SLC30A6: variants seen among roughly 807,000 people sequenced by gnomAD.
The protein encoded by SLC30A6 is zinc transporter 6.
In SLC30A6, 55 loss-of-function variants were observed where a neutral mutation model predicts 63.0. That is an observed-to-expected ratio of 0.87 (90% confidence interval 0.70 to 1.09). The LOEUF is 1.09. Among genes scored for constraint, SLC30A6 ranks in the 50% least tolerant of loss-of-function variants. SLC30A6 has a pLI of 0.00. For missense variants in SLC30A6, 587 were observed against 549.2 expected (o/e 1.07, Z -0.69); for synonymous variants, 224 against 186.1 (o/e 1.20, Z -1.66).
At chr2:32,171,436 G>T in intron 2 of SLC30A6, 63 bp downstream of exon 2, 6 of 1,353,722 alleles carry the variant, frequency 4.4e-6, no homozygotes, top group Non-Finnish European at 1.1e-6. Context: ...ATTGAAGAAA[G>T]ATAATTTTTA....
At chr2:32,175,741 C>G (rs1044563959) in intron 4 of SLC30A6, among the ~76,000 whole-genome samples, 3 of 151,966 alleles carry the variant, frequency 2.0e-5, no homozygotes, top group African/African-American at 7.2e-5. Flanking sequence ...TTTGGGAGGC[C>G]GAGGCGGGTG....
chr2:32,215,208 T>C (rs756085166), intron 13 of SLC30A6, among the ~76,000 whole-genome samples: 16 of 152,176 alleles, frequency 1.1e-4, no homozygotes, highest in Non-Finnish European at 2.2e-4. Context: ...TTACTCTCTT[T>C]TTTTGAGACT....
At chr2:32,178,443 G>C (rs1166547743) in intron 4 of SLC30A6, among the ~76,000 whole-genome samples, 1 of 152,108 alleles carries the variant, frequency 6.6e-6, no homozygotes, top group Non-Finnish European at 1.5e-5. Flanking sequence ...GGAGGCCAAG[G>C]CAGGTGGACC....
At chr2:32,167,382 C>CTTTTTTTTTTT (rs11293465) in intron 1 of SLC30A6, among the ~76,000 whole-genome samples, 1 of 132,538 alleles carries the variant, frequency 7.5e-6, no homozygotes, top group Admixed American at 7.7e-5. Context: ...GCCACAAACT[C>CTTTTTTTTTTT]TTTTTTTTTT....
At chr2:32,186,521 A>G (rs981600713) in intron 5 of SLC30A6, among the ~76,000 whole-genome samples, 2 of 152,046 alleles carry the variant, frequency 1.3e-5, no homozygotes, top group African/African-American at 4.8e-5. Flanking sequence ...CCCCATCTCT[A>G]CTAAAAACAC....
At position 32,171,227 on chromosome 2, in the gene SLC30A6, A is replaced by G. The variant is rs1681172563; in HGVS notation, c.4-60A>G. On this transcript the variant is annotated intron_variant, in intron 1 of 13. Transcript: ENST00000282587. Reference sequence around the variant, plus strand: ...ATCATAGGAACCACTATATCATATCATAGGAACTCTGAAGATGATTAAATA... The same window carrying G: ...ATCATAGGAACCACTATATCATATCGTAGGAACTCTGAAGATGATTAAATA... 3.6e-6 allele frequency: 5 copies of G among 1,393,892 alleles called. No homozygotes were observed. In the East Asian group the frequency reaches 9.2e-5, roughly 26 times the overall value. The allele number at this position is 1,393,892 out of a possible 1,614,324, so 86.3% of individuals were successfully genotyped here. A position where few individuals can be genotyped will look rare whatever the true frequency, so the allele number is the denominator to read the frequency against.
intron 10 of SLC30A6, chr2:32,203,079 A>G: frequency 7.7e-7 from 1 of 1,304,270 alleles, no homozygotes; most frequent in Non-Finnish European, 1.1e-6. Flanking sequence ...ACAGTCACAA[A>G]GAGAATTTAC....
At chr2:32,202,117 G>A in intron 10 of SLC30A6, 1 of 744,398 alleles carries the variant, frequency 1.3e-6, no homozygotes, top group Admixed American at 2.5e-5. Context: ...ACAGAAAGAA[G>A]GAACCTTCTC....
intron 5 of SLC30A6, among the ~76,000 whole-genome samples, chr2:32,188,553 G>A (rs981581492): frequency 6.6e-6 from 1 of 152,090 alleles, no homozygotes; most frequent in Non-Finnish European, 1.5e-5. Context: ...AATTCGCCAG[G>A]TGTGGTGGTG....
At chr2:32,213,717 C>G (rs144059822) in intron 13 of SLC30A6, among the ~76,000 whole-genome samples, 1 of 151,882 alleles carries the variant, frequency 6.6e-6, no homozygotes. Context: ...TCTAAATATG[C>G]CATAATTTAT....
chr2:32,215,258 G>T (rs1685594567), intron 13 of SLC30A6, among the ~76,000 whole-genome samples: 1 of 151,966 alleles, frequency 6.6e-6, no homozygotes, highest in African/African-American at 2.4e-5. Flanking sequence ...GTAGCGACAT[G>T]ATCTTGGCTC....
intron 13 of SLC30A6, among the ~76,000 whole-genome samples, chr2:32,216,858 C>T (rs1275874624): frequency 6.7e-6 from 1 of 150,052 alleles, no homozygotes; most frequent in Non-Finnish European, 1.5e-5. Flanking sequence ...GTAGGTGTTT[C>T]TTGGTTGTCT....
intron 5 of SLC30A6, among the ~76,000 whole-genome samples, chr2:32,185,662 A>G (rs971691228): frequency 2.0e-5 from 3 of 152,266 alleles, no homozygotes; most frequent in African/African-American, 7.2e-5. Context: ...TTAATGCAAA[A>G]TAAGGATTTT....
In SLC30A6 at chr2:32,204,353, C is replaced by T. The variant is rs1013007904; in HGVS notation, c.666-237C>T. On this transcript the variant is annotated intron_variant, in intron 10 of 13. Coordinates refer to ENST00000282587, the MANE Select transcript of SLC30A6 (RefSeq NM_017964.5). The stretch of plus-strand genomic sequence containing the variant: ...GTCCACATTTTTTTTCATCATACCT[C>T]TTCCTACTAATTAACATAATTATTA... Among the ~76,000 whole-genome samples, 10 of 152,216 alleles carry T rather than the reference C, an allele frequency of 6.6e-5. No homozygotes were observed. The East Asian group carries it at 1.9e-3, about 29-fold the overall frequency.
chr2:32,202,375 G>T, intron 10 of SLC30A6: 1 of 298,182 alleles, frequency 3.4e-6, no homozygotes, highest in Non-Finnish European at 6.4e-6. Context: ...ACAGAATCTC[G>T]CTCTGTCGCC....
Position 32,171,494 on chromosome 2 carries a change from C to T in SLC30A6, c.90+121C>T, listed in dbSNP as rs1681207504. The T allele has an allele frequency of 5.8e-6, 4 of 688,386 alleles. No homozygotes were observed. The South Asian group carries it at 9.1e-5, about 16-fold the overall frequency. 42.6% of individuals were successfully genotyped at this position (688,386 alleles called of 1,614,324 possible). A position where few individuals can be genotyped will look rare whatever the true frequency, so the allele number is the denominator to read the frequency against. On this transcript the variant is annotated intron_variant, in intron 2 of 13. Coordinates refer to ENST00000282587, the MANE Select transcript of SLC30A6 (RefSeq NM_017964.5). The stretch of plus-strand genomic sequence containing the variant: ...ATCCTGCCACACTGTTTTCATTTTT[C>T]TATGTTGGAAAAGTATTTTTTTAGT...
chr2:32,210,612 A>C (rs1042642276), intron 13 of SLC30A6, among the ~76,000 whole-genome samples: 1 of 150,692 alleles, frequency 6.6e-6, no homozygotes, highest in African/African-American at 2.4e-5. Context: ...ACAGTTTTCT[A>C]TGTCATTAAA....
intron 13 of SLC30A6, among the ~76,000 whole-genome samples, chr2:32,215,500 T>TTATATATA (rs71407429): frequency 7.4e-6 from 1 of 134,350 alleles, no homozygotes; most frequent in Admixed American, 7.6e-5. Context: ...TGGCCATCTA[T>TTATATATA]TATATATATA....
chr2:32,218,219 G>C (rs904277802), intron 13 of SLC30A6, among the ~76,000 whole-genome samples: 1 of 152,106 alleles, frequency 6.6e-6, no homozygotes, highest in Non-Finnish European at 1.5e-5. Context: ...CTAGGAGTTC[G>C]AGACCAGCTT....
Sources: gnomAD v4.1 joint callset for allele counts (sites outside exome capture counted in the v4.1 genomes callset) on GRCh38, gnomAD v4.1.1 for gene constraint, MANE v1.5 for transcripts, NCBI Gene and HGNC (gene_info 2026-07-23, HGNC 2026-07-21) for gene names.